The following NUDT14 variants were observed in gnomAD, a reference collection of about 807,000 sequenced individuals.
The protein encoded by NUDT14 is nudix hydrolase 14, also known as uridine diphosphate glucose pyrophosphatase NUDT14.
In NUDT14, 22 loss-of-function variants were observed where a neutral mutation model predicts 17.5. The ratio of observed to expected loss-of-function variants is 1.26; its 90% CI spans 0.90 to 1.80. The LOEUF (loss-of-function observed/expected upper bound fraction) is 1.80. NUDT14 is among the 40% of genes most tolerant of loss of function. The pLI is 0.00. For missense variants in NUDT14, 296 were observed against 295.6 expected (o/e 1.00, Z -0.01); for synonymous variants, 129 against 125.8 (o/e 1.03, Z -0.17).
At position 105,172,980 on chromosome 14, in the gene NUDT14, GT is replaced by G. The variant is rs1889135792; in HGVS notation, c.*40del. On this transcript the variant is annotated 3_prime_UTR_variant, in exon 5 of 5. Coordinates refer to ENST00000392568, the MANE Select transcript of NUDT14 (RefSeq NM_177533.5). Reference sequence around the variant, plus strand: ...TTTATTGGGGTCCGCGGGGTGTGGGGTGAGTGGCCAAGACTGGCCTCTGTCT... The same window carrying G: ...TTTATTGGGGTCCGCGGGGTGTGGGGGAGTGGCCAAGACTGGCCTCTGTCT... 6.8e-7 allele frequency: 1 copy of G among 1,463,688 alleles called. No individual in the cohort carries two copies. Among genetic ancestry groups the G allele is most frequent in the African/African-American group, 1.4e-5 (1 of 69,772 alleles). The allele number at this position is 1,463,688 out of a possible 1,614,324, so 90.7% of individuals were successfully genotyped here.
chr14:105,174,070 A>G (rs1889161995), intron 4 of NUDT14, among the ~76,000 whole-genome samples: 1 of 151,944 alleles, frequency 6.6e-6, no homozygotes, highest in South Asian at 2.1e-4. Context: ...CACCCCCCGT[A>G]GCATGGCAGA....
chr14:105,173,056 G>T lies in NUDT14; in HGVS notation c.634C>A (p.Leu212Ile). The T allele has an allele frequency of 6.6e-7, 1 of 1,521,512 alleles. No homozygotes were observed. Among genetic ancestry groups the T allele is most frequent in the Non-Finnish European group, 8.8e-7 (1 of 1,134,294 alleles). 94.3% of individuals were successfully genotyped at this position (1,521,512 alleles called of 1,614,324 possible). ...TCCAGGTTGGGGGCCACCTGGCTGA[G>T]GAACCATGAGACACCAAAGATGACG... Reference protein sequence around the residue: ...LGVIFGVSWFLSQVAPNLDLQ With the variant: ...LGVIFGVSWFISQVAPNLDLQ Residue 212 changes from leucine to isoleucine, a missense_variant, in exon 5 of 5, where the codon CTC becomes ATC. Coordinates refer to ENST00000392568, the MANE Select transcript of NUDT14 (RefSeq NM_177533.5). This position sits in a 1 kb window ranked among gnomAD's most constrained non-coding sequence, Gnocchi z 4.7.
At chr14:105,176,320 G>T in intron 4 of NUDT14, 1 of 601,220 alleles carries the variant, frequency 1.7e-6, no homozygotes, top group Admixed American at 2.9e-5. Flanking sequence ...GCCGCAGGCT[G>T]GGGGCATGGG....
At chr14:105,174,307 G>T (rs187577218) in intron 4 of NUDT14, among the ~76,000 whole-genome samples, 5 of 152,124 alleles carry the variant, frequency 3.3e-5, no homozygotes, top group African/African-American at 7.2e-5. Flanking sequence ...TGGAACAGGA[G>T]GGGGAGGGCC....
intron 1 of NUDT14, among the ~76,000 whole-genome samples, chr14:105,180,133 C>T (rs8017877): frequency 0.65 from 99,415 of 152,034 alleles, 33,018 homozygotes; most frequent in African/African-American, 0.77. Flanking sequence ...GAAGACGGCC[C>T]GGGACTCAGT....
rs375404228 is a variant in NUDT14 at position 105,176,564 on chromosome 14, G to T, written c.398C>A (p.Pro133His). Residue 133 changes from proline to histidine, a missense_variant, in exon 4 of 5, where the codon CCC (proline) becomes CAC (histidine). Coordinates refer to ENST00000392568, the MANE Select transcript of NUDT14 (RefSeq NM_177533.5). ...TGTGGCGACCCGGCGCAGATCAGAG[G>T]GGGCCAAGTGGTAGCCACACTCCTC... ...AWEECGYHLAPSDLRRVATYW... is the reference protein window; with the variant it reads ...AWEECGYHLAHSDLRRVATYW... 2.5e-5 allele frequency: 40 copies of T among 1,612,726 alleles called. No individual in the cohort carries two copies. Among genetic ancestry groups the T allele is most frequent in the Non-Finnish European group, 3.4e-5 (40 of 1,179,928 alleles).
At chr14:105,176,464 A>G in intron 4 of NUDT14, 70 bp downstream of exon 4, 6 of 1,270,504 alleles carry the variant, frequency 4.7e-6, no homozygotes, top group Admixed American at 3.4e-5. Flanking sequence ...GCACACTCCC[A>G]GGGACGGGGC....
intron 4 of NUDT14, 134 bp downstream of exon 4, chr14:105,176,400 G>T: frequency 1.3e-6 from 1 of 794,260 alleles, no homozygotes; most frequent in Non-Finnish European, 2.1e-6. Context: ...GGCGCATTCG[G>T]TCCAACCCTC....
chr14:105,177,760 G>C (rs368588585), intron 1 of NUDT14, 25 bp from the exon 2 acceptor site: 2 of 1,610,592 alleles, frequency 1.2e-6, no homozygotes, highest in Non-Finnish European at 1.7e-6. Flanking sequence ...TCAGCGGTTA[G>C]AATGTCCCAG....
Position 105,173,295 on chromosome 14 carries a change from A to C in NUDT14, c.429-34T>G, listed in dbSNP as rs756452615. ...TGAGACAGGGTCTGCTGAGTCACCC[A>C]CGCTGGCCCCGCTGGCCCCCTGGCC... On this transcript the variant is annotated intron_variant, in intron 4 of 4. Transcript: ENST00000392568. The surrounding 1 kb of genome is among the most constrained non-coding windows in gnomAD (Gnocchi z 4.7). 2 of 1,471,546 alleles carry C rather than the reference A, an allele frequency of 1.4e-6. No homozygotes were observed. Among genetic ancestry groups the C allele is most frequent in the Non-Finnish European group, 1.8e-6 (2 of 1,110,926 alleles). The allele number at this position is 1,471,546 out of a possible 1,614,324, so 91.2% of individuals were successfully genotyped here. A position where few individuals can be genotyped will look rare whatever the true frequency, so the allele number is the denominator to read the frequency against.
Position 105,181,051 on chromosome 14 carries a change from C to T in NUDT14, c.81+78G>A, listed in dbSNP as rs1750540798. The T allele has an allele frequency of 5.1e-6, 2 of 393,900 alleles. No individual in the cohort carries two copies. Among genetic ancestry groups the T allele is most frequent in the Admixed American group, 6.2e-5 (1 of 16,118 alleles). The allele number at this position is 393,900 out of a possible 1,614,324, so 24.4% of individuals were successfully genotyped here. ...GGGCTCCGGGGCGGGGCCGGCAGCGCGGAAGATGGTGGGCGGGGCGCGGGT... is the reference window on the plus strand; with the variant it reads ...GGGCTCCGGGGCGGGGCCGGCAGCGTGGAAGATGGTGGGCGGGGCGCGGGT... On this transcript the variant is annotated intron_variant, in intron 1 of 4. Coordinates refer to ENST00000392568, the MANE Select transcript of NUDT14 (RefSeq NM_177533.5). The surrounding 1 kb of genome is among the most constrained non-coding windows in gnomAD (Gnocchi z 5.0).
intron 4 of NUDT14, chr14:105,175,913 G>A: frequency 8.3e-7 from 1 of 1,212,090 alleles, no homozygotes; most frequent in Non-Finnish European, 1.1e-6. Context: ...TGCTCAGCTG[G>A]TGGGGGTGGG....
chr14:105,181,227 CGGGGGCCGCGAGCTCTGCG>C lies in NUDT14; in HGVS notation c.-37_-19del. 7.6e-6 allele frequency: 2 copies of C among 262,092 alleles called. No individual in the cohort carries two copies. Among genetic ancestry groups the C allele is most frequent in the African/African-American group, 8.4e-5 (1 of 11,858 alleles). 16.2% of individuals were successfully genotyped at this position (262,092 alleles called of 1,614,324 possible). On this transcript the variant is annotated 5_prime_UTR_variant, in exon 1 of 5. Coordinates refer to ENST00000392568, the MANE Select transcript of NUDT14 (RefSeq NM_177533.5). This position sits in a 1 kb window ranked among gnomAD's most constrained non-coding sequence, Gnocchi z 5.0. Reference sequence around the variant, plus strand: ...CGCTCCATGGCGGCGCCCGGACAGGCGGGGGCCGCGAGCTCTGCGGGGGCCGACACGGGGCGGCGCCCTG... The same window carrying C: ...CGCTCCATGGCGGCGCCCGGACAGGCGGGGCCGACACGGGGCGGCGCCCTG...
chr14:105,177,007 T>C lies in NUDT14; in HGVS notation c.146A>G (p.Asn49Ser), dbSNP rs1278548757. The C allele has an allele frequency of 3.1e-6, 5 of 1,606,004 alleles. No individual in the cohort carries two copies. Among genetic ancestry groups the C allele is most frequent in the African/African-American group, 1.4e-5 (1 of 72,564 alleles). Residue 49 changes from asparagine (N) to serine (S), a missense_variant, in exon 3 of 5, where the codon AAC (asparagine) becomes AGC (serine). Transcript: ENST00000392568. ...CAACACCAGGCTCCTCCGAGAAGAG[T>C]TGAATAAGAGAACGGTCACGCTGTG... ...THDSVTVLLF[N>S]SSRRSLVLVK...
chr14:105,181,256 A>C lies in NUDT14; in HGVS notation c.-47T>G. ...GGCCGCGAGCTCTGCGGGGGCCGAC[A>C]CGGGGCGGCGCCCTGTCCCGACAGG... On this transcript the variant is annotated 5_prime_UTR_variant, in exon 1 of 5. Transcript: ENST00000392568. The surrounding 1 kb of genome is among the most constrained non-coding windows in gnomAD (Gnocchi z 5.0). 3 of 708,190 alleles carry C rather than the reference A, an allele frequency of 4.2e-6. No homozygotes were observed. The highest frequency in any genetic ancestry group is 5.4e-6 in the Non-Finnish European group (3 of 556,410). 43.9% of individuals were successfully genotyped at this position (708,190 alleles called of 1,614,324 possible).
intron 1 of NUDT14, among the ~76,000 whole-genome samples, chr14:105,178,579 C>T (rs587628210): frequency 3.2e-4 from 48 of 152,296 alleles, no homozygotes; most frequent in African/African-American, 1.0e-3. Context: ...GATGCACTCC[C>T]ATCCTGGGGG....
chr14:105,177,802 G>C, intron 1 of NUDT14, 67 bp from the exon 2 acceptor site: 1 of 1,500,204 alleles, frequency 6.7e-7, no homozygotes, highest in Non-Finnish European at 9.3e-7. Context: ...AACCGAGGAG[G>C]CCACAGACCC....
At chr14:105,174,152 C>T (rs1889163717) in intron 4 of NUDT14, among the ~76,000 whole-genome samples, 1 of 152,084 alleles carries the variant, frequency 6.6e-6, no homozygotes, top group Non-Finnish European at 1.5e-5. Flanking sequence ...TAAGAGGAAG[C>T]CCCCTCCCTC....
Position 105,173,102 on chromosome 14 carries a change from C to T in NUDT14, c.588G>A (p.Pro196=), listed in dbSNP as rs765818744. Residue 196 remains proline, a synonymous_variant, in exon 5 of 5, where the codon CCG becomes CCA. Transcript: ENST00000392568. This position sits in a 1 kb window ranked among gnomAD's most constrained non-coding sequence, Gnocchi z 4.7. ...LEGAQAFADD[P]DIPKTLGVIF... ...TGACGCCGAGGGTCTTGGGGATGTC[C>T]GGGTCGTCTGCAAAGGCCTGGGCGC... The T allele has an allele frequency of 1.8e-5, 28 of 1,588,440 alleles. No homozygotes were observed. The highest frequency in any genetic ancestry group is 8.0e-5 in the South Asian group (7 of 87,094).
Sources: gnomAD v4.1 joint callset for allele counts (sites outside exome capture counted in the v4.1 genomes callset) on GRCh38, gnomAD v4.1.1 for gene constraint, Gnocchi (gnomAD v3.1) non-coding constraint, MANE v1.5 for transcripts, NCBI Gene and HGNC (gene_info 2026-07-23, HGNC 2026-07-21) for gene names.